Variants in TNFAIP8 observed in about 807,000 individuals in gnomAD.
TNFAIP8 encodes tumor necrosis factor alpha-induced protein 8.
A neutral mutation model predicts 13.3 loss-of-function variants in TNFAIP8; 7 were observed. The ratio of observed to expected loss-of-function variants is 0.52; its 90% CI spans 0.30 to 0.99. The LOEUF (loss-of-function observed/expected upper bound fraction) is 0.99. Ranked by LOEUF, TNFAIP8 falls within the 50% of genes least tolerant of loss-of-function variation. The pLI, the probability that TNFAIP8 is intolerant of heterozygous loss-of-function variation, is 0.07. For synonymous variants in TNFAIP8, 94 were observed against 87.6 expected, an observed-to-expected ratio of 1.07 and a Z score of -0.41; for missense variants, 258 against 236.9, an observed-to-expected ratio of 1.09 and a Z score of -0.58.
intron 1 of TNFAIP8, among the ~76,000 whole-genome samples, chr5:119,318,445 T>A (rs1391414653): frequency 1.3e-5 from 2 of 152,102 alleles, no homozygotes; most frequent in African/African-American, 4.8e-5. Context: ...TGTGCCATCA[T>A]GCTTGGCTAA....
chr5:119,305,619 T>C (rs574984348), intron 1 of TNFAIP8, among the ~76,000 whole-genome samples: 89 of 152,324 alleles, frequency 5.8e-4, no homozygotes, highest in Middle Eastern at 6.8e-3. Flanking sequence ...AGTTTTTTTT[T>C]TAAGTCATTT....
chr5:119,281,302 A>ACC (rs1748618082), intron 1 of TNFAIP8, among the ~76,000 whole-genome samples: 1 of 29,036 alleles, frequency 3.4e-5, no homozygotes, highest in South Asian at 1.0e-3. Context: ...ACACACACAC[A>ACC]CACACTCTCT....
In TNFAIP8 at chr5:119,358,777, T is replaced by C. The variant is rs554989217; in HGVS notation, c.31+2656T>C. On this transcript the variant is annotated intron_variant, in intron 1 of 1. Coordinates refer to ENST00000504771, the MANE Select transcript of TNFAIP8 (RefSeq NM_014350.4). Reference sequence around the variant, plus strand: ...TGGCAGTTGAGATCTCTGAGAATCTTTCTAGTGCTAAGCATCAAGGCATCC... The same window carrying C: ...TGGCAGTTGAGATCTCTGAGAATCTCTCTAGTGCTAAGCATCAAGGCATCC... Among the ~76,000 whole-genome samples the C allele has an allele frequency of 8.5e-5, 13 of 152,326 alleles. No homozygotes were observed. In the South Asian group the frequency reaches 2.7e-3, roughly 32 times the overall value.
chr5:119,326,945 C>T (rs1375366228), intron 1 of TNFAIP8, among the ~76,000 whole-genome samples: 1 of 152,180 alleles, frequency 6.6e-6, no homozygotes, highest in Admixed American at 6.5e-5. Context: ...ATTAGTGAGC[C>T]TCTTCCAGAT....
chr5:119,304,299 C>T (rs372964035), intron 1 of TNFAIP8, among the ~76,000 whole-genome samples: 1 of 151,984 alleles, frequency 6.6e-6, no homozygotes, highest in Non-Finnish European at 1.5e-5. Context: ...CTTAAAAGTG[C>T]TCCTCCTGCT....
At position 119,364,841 on chromosome 5, in the gene TNFAIP8, G is replaced by GTTTTT. The variant is rs10714712; in HGVS notation, c.31+8744_31+8748dup. ...GGTTTTTTCCCCTTTTTTCTTTTCA[G>GTTTTT]TTTTTTTTTTTTTTTTTTTTTTTTT... On this transcript the variant is annotated intron_variant, in intron 1 of 1. Coordinates refer to ENST00000504771, the MANE Select transcript of TNFAIP8 (RefSeq NM_014350.4). Among the ~76,000 whole-genome samples, 8 of 88,696 alleles carry GTTTTT rather than the reference G, an allele frequency of 9.0e-5. 1 individual carries two copies. Among genetic ancestry groups the GTTTTT allele is most frequent in the African/African-American group, 2.8e-4 (6 of 21,504 alleles). 58.2% of individuals were successfully genotyped at this position (88,696 alleles called of 152,430 possible). A position where few individuals can be genotyped will look rare whatever the true frequency, so the allele number is the denominator to read the frequency against.
At chr5:119,366,707 G>A (rs1328897892) in intron 1 of TNFAIP8, among the ~76,000 whole-genome samples, 1 of 152,134 alleles carries the variant, frequency 6.6e-6, no homozygotes, top group Non-Finnish European at 1.5e-5. Flanking sequence ...CTAACTTCGG[G>A]GGGTTTCCCT....
upstream of TNFAIP8, among the ~76,000 whole-genome samples, chr5:119,351,788 CTTTTTTTCT>C (rs1751167285): frequency 1.4e-5 from 2 of 138,240 alleles, no homozygotes; most frequent in South Asian, 2.2e-4. Context: ...TTTTCTTTTT[CTTTTTTTCT>C]TTTTTTTTTT....
intron 1 of TNFAIP8, among the ~76,000 whole-genome samples, chr5:119,364,231 C>G (rs568442781): frequency 1.3e-5 from 2 of 152,322 alleles, no homozygotes; most frequent in South Asian, 2.1e-4. Context: ...TTAACATAAA[C>G]AGGTAAGTTT....
At chr5:119,355,819 C>T (rs1006397128), upstream of TNFAIP8, 237 of 876,728 alleles carry the variant, frequency 2.7e-4, no homozygotes, top group Non-Finnish European at 3.2e-4. Context: ...CCAGCCCCGC[C>T]AGGTCGCCTC....
In TNFAIP8 at chr5:119,356,138, T is replaced by C; in HGVS notation, c.31+17T>C. On this transcript the variant is annotated intron_variant, in intron 1 of 1. Coordinates refer to ENST00000504771, the MANE Select transcript of TNFAIP8 (RefSeq NM_014350.4). ...CCAAGGAAGGTAGGATTCTGGTTTCTCCTGGGGGCCGGCCAAGTTCTGCGG... is the reference window on the plus strand; with the variant it reads ...CCAAGGAAGGTAGGATTCTGGTTTCCCCTGGGGGCCGGCCAAGTTCTGCGG... 1 of 1,570,068 alleles carries C rather than the reference T, an allele frequency of 6.4e-7. No individual in the cohort carries two copies. Among genetic ancestry groups the C allele is most frequent in the South Asian group, 1.2e-5 (1 of 86,682 alleles).
chr5:119,273,310 C>T (rs1561977380), intron 1 of TNFAIP8, among the ~76,000 whole-genome samples: 4 of 152,202 alleles, frequency 2.6e-5, no homozygotes. Flanking sequence ...GGTCTCATTC[C>T]AGTAAGTGTT....
chr5:119,341,619 G>A (rs1750739302), intron 1 of TNFAIP8, among the ~76,000 whole-genome samples: 2 of 152,118 alleles, frequency 1.3e-5, no homozygotes, highest in African/African-American at 2.4e-5. Flanking sequence ...TGAGAAGACT[G>A]GCTAACTCTG....
At chr5:119,292,456 T>C (rs2112631970) in intron 1 of TNFAIP8, among the ~76,000 whole-genome samples, 1 of 151,672 alleles carries the variant, frequency 6.6e-6, no homozygotes, top group South Asian at 2.1e-4. Context: ...TCATATGGTA[T>C]TTTGTTATTC....
chr5:119,298,474 C>T (rs966543745), intron 1 of TNFAIP8, among the ~76,000 whole-genome samples: 2 of 151,598 alleles, frequency 1.3e-5, no homozygotes, highest in East Asian at 1.9e-4. Flanking sequence ...GCCGAGAGAT[C>T]AGCTGTTAGT....
At chr5:119,292,643 AGCATATAT>A (rs1157871846) in intron 1 of TNFAIP8, among the ~76,000 whole-genome samples, 6 of 48,024 alleles carry the variant, frequency 1.2e-4, no homozygotes, top group African/African-American at 3.4e-4. Context: ...TAATCAATGT[AGCATATAT>A]ATATATATAT....
chr5:119,344,797 T>A lies in TNFAIP8; in HGVS notation c.2-48019T>A, dbSNP rs570165878. On this transcript the variant is annotated intron_variant, in intron 1 of 1. Coordinates refer to the TNFAIP8 transcript ENST00000274456. The stretch of plus-strand genomic sequence containing the variant: ...CAGAGCAGCATAAGTCAAAGATAAT[T>A]GTAAGGTTTGTAGCCCCCAGTGCCT... Among the ~76,000 whole-genome samples the A allele has an allele frequency of 2.0e-5, 3 of 152,252 alleles. No homozygotes were observed. In the East Asian group the frequency reaches 5.8e-4, roughly 29 times the overall value.
chr5:119,368,066 C>A lies in TNFAIP8; in HGVS notation c.31+11945C>A, dbSNP rs560899975. ...GTAATGGTGAAATAATGTTTCCCTG[C>A]CTGTAAAGCAGCTTAAATTAAAAGT... On this transcript the variant is annotated intron_variant, in intron 1 of 1. Transcript: ENST00000504771. Among the ~76,000 whole-genome samples, 8 of 152,292 alleles carry A rather than the reference C, an allele frequency of 5.3e-5. No individual in the cohort carries two copies. The East Asian group carries it at 5.8e-4, about 11-fold the overall frequency.
chr5:119,316,745 A>G (rs568650189), intron 1 of TNFAIP8, among the ~76,000 whole-genome samples: 28 of 152,318 alleles, frequency 1.8e-4, no homozygotes, highest in African/African-American at 5.3e-4. Context: ...GATGCTTCCA[A>G]CATGTAGCCA....
Sources: gnomAD v4.1 joint callset for allele counts (sites outside exome capture counted in the v4.1 genomes callset) on GRCh38, gnomAD v4.1.1 for gene constraint, MANE v1.5 for transcripts, NCBI Gene and HGNC (gene_info 2026-07-23, HGNC 2026-07-21) for gene names.